STARD3NL: variants seen among roughly 807,000 people sequenced by gnomAD.
The protein encoded by STARD3NL is STARD3 N-terminal-like protein.
A neutral mutation model predicts 30.9 loss-of-function variants in STARD3NL; 17 were observed. The ratio of observed to expected loss-of-function variants is 0.55; its 90% CI spans 0.38 to 0.82. STARD3NL has a LOEUF of 0.82. Among genes scored for constraint, STARD3NL ranks in the 40% least tolerant of loss-of-function variants. STARD3NL has a pLI of 0.00. For missense variants in STARD3NL, 234 were observed against 277.6 expected (o/e 0.84, Z 1.12); for synonymous variants, 112 against 100.5 (o/e 1.11, Z -0.69).
At chr7:38,196,570 A>T (rs1183792929) in intron 1 of STARD3NL, among the ~76,000 whole-genome samples, 2 of 152,024 alleles carry the variant, frequency 1.3e-5, no homozygotes, top group East Asian at 3.9e-4. Flanking sequence ...TTCTTTTTTT[A>T]AAATTTCACT....
rs549641202 is a variant in STARD3NL, at chr7:38,219,610, CTGG to C, written c.604_606del (p.Gly202del). On this transcript the variant is annotated inframe_deletion, in exon 7 of 9. Transcript: ENST00000009041. Reference sequence around the variant, plus strand: ...GCTTCAGAGAGGGCAGCACTTATACCTGGTGGTCTTTCTGATGGTCAGTTTTAT... The same window carrying C: ...GCTTCAGAGAGGGCAGCACTTATACCTGGTCTTTCTGATGGTCAGTTTTAT... The C allele has an allele frequency of 1.2e-4, 191 of 1,613,036 alleles. 1 individual carries two copies. The South Asian group carries it at 2.0e-3, about 17-fold the overall frequency.
In STARD3NL at chr7:38,207,447, G is replaced by T. The variant is rs560534839; in HGVS notation, c.-58G>T. 22 of 1,431,710 alleles carry T rather than the reference G, an allele frequency of 1.5e-5. No homozygotes were observed. Among genetic ancestry groups the T allele is most frequent in the African/African-American group, 7.1e-5 (5 of 70,350 alleles). The allele number at this position is 1,431,710 out of a possible 1,614,324, so 88.7% of individuals were successfully genotyped here. On this transcript the variant is annotated splice_region_variant and 5_prime_UTR_variant, in exon 2 of 9. Coordinates refer to ENST00000009041, the MANE Select transcript of STARD3NL (RefSeq NM_032016.4). ...GGTGTCTCTTTTTTATTTCCCAAAG[G>T]TGTCTTCTCTTTAGGGATGGTGAGG...
chr7:38,228,084 C>T (rs1204717570), intron 7 of STARD3NL, among the ~76,000 whole-genome samples: 1 of 152,072 alleles, frequency 6.6e-6, no homozygotes, highest in Non-Finnish European at 1.5e-5. Context: ...TTTGCTTTTA[C>T]CTTACAGCGC....
At chr7:38,193,610 T>TA (rs1171156594) in intron 1 of STARD3NL, among the ~76,000 whole-genome samples, 9 of 152,332 alleles carry the variant, frequency 5.9e-5, no homozygotes, top group African/African-American at 1.7e-4. Flanking sequence ...GATTAGTTTT[T>TA]ATCTATATGT....
At chr7:38,214,280 T>C in intron 2 of STARD3NL, 77 bp from the exon 3 acceptor site, 1 of 919,330 alleles carries the variant, frequency 1.1e-6, no homozygotes, top group Non-Finnish European at 1.7e-6. Context: ...GGCAGGAAAG[T>C]TGGATAGGAA....
chr7:38,208,867 T>A (rs913570129), intron 2 of STARD3NL, among the ~76,000 whole-genome samples: 5 of 152,242 alleles, frequency 3.3e-5, no homozygotes, highest in African/African-American at 1.2e-4. Context: ...AATTTTTGAT[T>A]AGTATTCTAA....
chr7:38,186,516 A>G (rs1221006842), intron 1 of STARD3NL, among the ~76,000 whole-genome samples: 1 of 152,198 alleles, frequency 6.6e-6, no homozygotes, highest in East Asian at 1.9e-4. Flanking sequence ...CTGTGGAGAA[A>G]ATACAGCCAT....
At chr7:38,191,100 C>T (rs1784668944) in intron 1 of STARD3NL, among the ~76,000 whole-genome samples, 1 of 152,184 alleles carries the variant, frequency 6.6e-6, no homozygotes, top group South Asian at 2.1e-4. Flanking sequence ...TTTGAAACTA[C>T]AATATCATAT....
chr7:38,202,538 G>A lies in STARD3NL; in HGVS notation c.-58-4909G>A, dbSNP rs12672437. Among the ~76,000 whole-genome samples, 2,021 of 151,796 alleles carry A rather than the reference G, an allele frequency of 0.013. 107 individuals carry two copies. The East Asian group carries it at 0.16, about 12-fold the overall frequency. ...TCCGAGAGAATCATTGGTAATATCT[G>A]ATATATTTCTTTTTTTTTAACATTT... On this transcript the variant is annotated intron_variant, in intron 1 of 8. Coordinates refer to ENST00000009041, the MANE Select transcript of STARD3NL (RefSeq NM_032016.4).
chr7:38,192,021 A>G (rs1357786550), intron 1 of STARD3NL, among the ~76,000 whole-genome samples: 1 of 152,208 alleles, frequency 6.6e-6, no homozygotes, highest in African/African-American at 2.4e-5. Context: ...TGAACATGGT[A>G]TATCTCACGA....
intron 1 of STARD3NL, among the ~76,000 whole-genome samples, chr7:38,193,726 T>C (rs1784788858): frequency 1.3e-5 from 2 of 152,248 alleles, no homozygotes; most frequent in Admixed American, 6.5e-5. Context: ...GTACTCAGCA[T>C]TGTGCCTGAC....
Position 38,215,095 on chromosome 7 carries a change from G to T in STARD3NL, c.371G>T (p.Trp124Leu). The change falls in exon 4 of 9, where the codon TGG (tryptophan) becomes TTG (leucine). Residue 124 changes from tryptophan to leucine, a missense_variant. Trp to Leu is a moderately conservative substitution (Grantham distance 61, BLOSUM62 -2). Transcript: ENST00000009041. ...AYAVCRLRHW[W>L]AIALTTAVTS... ...GCTGTGTGCAGACTGCGCCATTGGT[G>T]GGCAATAGCGGTGAGTATGCCCTGC... The T allele has an allele frequency of 3.1e-6, 5 of 1,613,916 alleles. No homozygotes were observed. Among genetic ancestry groups the T allele is most frequent in the Non-Finnish European group, 4.2e-6 (5 of 1,179,916 alleles).
At chr7:38,196,438 T>G (rs1240236240) in intron 1 of STARD3NL, among the ~76,000 whole-genome samples, 1 of 152,212 alleles carries the variant, frequency 6.6e-6, no homozygotes, top group African/African-American at 2.4e-5. Flanking sequence ...TCATTATGTG[T>G]TTTTTTAATA....
At chr7:38,193,535 T>C (rs1286691418) in intron 1 of STARD3NL, among the ~76,000 whole-genome samples, 1 of 152,202 alleles carries the variant, frequency 6.6e-6, no homozygotes, top group Non-Finnish European at 1.5e-5. Context: ...CCTGACCTCA[T>C]GATCCACCCG....
intron 1 of STARD3NL, among the ~76,000 whole-genome samples, chr7:38,183,256 T>C (rs1405219000): frequency 6.6e-6 from 1 of 152,148 alleles, no homozygotes; most frequent in Non-Finnish European, 1.5e-5. Flanking sequence ...TGCCAGGAGT[T>C]GTTCTAAATG....
At chr7:38,188,868 GT>G (rs1188906913) in intron 1 of STARD3NL, among the ~76,000 whole-genome samples, 1 of 152,138 alleles carries the variant, frequency 6.6e-6, no homozygotes, top group Non-Finnish European at 1.5e-5. Context: ...TTAAAAAACA[GT>G]CGGAGTTCGG....
At chr7:38,218,335 A>G (rs1314250195) in intron 6 of STARD3NL, among the ~76,000 whole-genome samples, 1 of 152,250 alleles carries the variant, frequency 6.6e-6, no homozygotes. Context: ...TTTACATAGA[A>G]GAAATATATA....
chr7:38,180,135 T>C (rs1784189892), intron 1 of STARD3NL, among the ~76,000 whole-genome samples: 1 of 152,230 alleles, frequency 6.6e-6, no homozygotes, highest in Non-Finnish European at 1.5e-5. Context: ...GTGATACTCA[T>C]AAACTCTAGC....
chr7:38,190,847 C>G (rs1024113922), intron 1 of STARD3NL, among the ~76,000 whole-genome samples: 1 of 152,096 alleles, frequency 6.6e-6, no homozygotes, highest in Non-Finnish European at 1.5e-5. Flanking sequence ...TTTAGAATGT[C>G]CCATATACTG....
Sources: gnomAD v4.1 joint callset for allele counts (sites outside exome capture counted in the v4.1 genomes callset) on GRCh38, gnomAD v4.1.1 for gene constraint, MANE v1.5 for transcripts, NCBI Gene and HGNC (gene_info 2026-07-23, HGNC 2026-07-21) for gene names.